The following KRT15 variants were observed in gnomAD, a reference collection of about 807,000 sequenced individuals.
KRT15 encodes keratin 15, also known as keratin, type I cytoskeletal 15.
In KRT15, 45 loss-of-function variants were observed where a neutral mutation model predicts 46.6. That is an observed-to-expected ratio of 0.97 (90% CI 0.76 to 1.24). KRT15 has a LOEUF of 1.24. Among genes scored for constraint, KRT15 ranks in the 50% most tolerant of loss-of-function variants. KRT15 has a pLI of 0.00. For synonymous variants in KRT15, 221 were observed against 233.8 expected, an observed-to-expected ratio of 0.95 and a Z score of 0.50; for missense variants, 592 against 588.9, an observed-to-expected ratio of 1.01 and a Z score of -0.05.
chr17:41,517,585 A>G, intron 1 of KRT15: 1 of 216,454 alleles, frequency 4.6e-6, no homozygotes, highest in Non-Finnish European at 9.4e-6. Context: ...CCATGGATCT[A>G]CAGAACATTC....
rs555353647 is a variant in KRT15, at chr17:41,513,942, T to A, written c.*81A>T. On this transcript the variant is annotated 3_prime_UTR_variant, in exon 8 of 8. Transcript: ENST00000254043. ...CTGAAGGCAGGGACTGGAGTTTGCA[T>A]GTGCAGGCCCTCTGGCCAGTCCTCC... 1.8e-5 allele frequency: 18 copies of A among 1,028,450 alleles called. No individual in the cohort carries two copies. In the South Asian group the frequency reaches 2.3e-4, roughly 13 times the overall value. 63.7% of individuals were successfully genotyped at this position (1,028,450 alleles called of 1,614,324 possible).
chr17:41,516,158 G>A lies in KRT15; in HGVS notation c.846C>T (p.Tyr282=), dbSNP rs201721465. The A allele has an allele frequency of 3.8e-5, 61 of 1,614,158 alleles. No individual in the cohort carries two copies. Among genetic ancestry groups the A allele is most frequent in the Admixed American group, 3.0e-4 (18 of 60,018 alleles). ...GGCGGTTCTTCTCCGCCATGGCCTC[G>A]TACTGCTCCCTCATCTCTGCCAGCA... The part of the protein sequence containing the change: ...TRVLAEMREQ[Y]EAMAEKNRRD... The change falls in exon 4 of 8, where the codon TAC becomes TAT. Residue 282 remains tyrosine, a synonymous_variant. Coordinates refer to ENST00000254043, the MANE Select transcript of KRT15 (RefSeq NM_002275.4).
At position 41,514,499 on chromosome 17, in the gene KRT15, T is replaced by G. The variant is rs1053023326; in HGVS notation, c.1273+150A>C. On this transcript the variant is annotated intron_variant, in intron 7 of 7. Coordinates refer to ENST00000254043, the MANE Select transcript of KRT15 (RefSeq NM_002275.4). ...CAATCTCACCTGGGGCTGACAGAAGTTCCCACTGGGGAAGAGGCATCTAAT... is the reference window on the plus strand; with the variant it reads ...CAATCTCACCTGGGGCTGACAGAAGGTCCCACTGGGGAAGAGGCATCTAAT... 4.3e-6 allele frequency: 3 copies of G among 699,270 alleles called. No individual in the cohort carries two copies. In the African/African-American group the frequency reaches 5.4e-5, roughly 13 times the overall value. 43.3% of individuals were successfully genotyped at this position (699,270 alleles called of 1,614,324 possible).
chr17:41,515,862 G>A (rs964083632), intron 5 of KRT15, 23 bp downstream of exon 5: 2 of 1,613,920 alleles, frequency 1.2e-6, no homozygotes, highest in Non-Finnish European at 8.5e-7. Flanking sequence ...CGAGAGGCTG[G>A]GATGGGGCGC....
chr17:41,516,381 A>C (rs563070757), intron 3 of KRT15, 116 bp from the exon 4 acceptor site: 2 of 1,117,060 alleles, frequency 1.8e-6, no homozygotes, highest in African/African-American at 1.6e-5. Flanking sequence ...GCTGTTCCCC[A>C]TTGCACATGA....
Position 41,514,486 on chromosome 17 carries a change from G to C in KRT15, c.1273+163C>G. The C allele has an allele frequency of 4.6e-6, 3 of 656,114 alleles. No individual in the cohort carries two copies. The South Asian group carries it at 5.7e-5, about 13-fold the overall frequency. The allele number at this position is 656,114 out of a possible 1,614,324, so 40.6% of individuals were successfully genotyped here. ...AAATCACCAGCTGCAATCTCACCTG[G>C]GGCTGACAGAAGTTCCCACTGGGGA... On this transcript the variant is annotated intron_variant, in intron 7 of 7. Coordinates refer to ENST00000254043, the MANE Select transcript of KRT15 (RefSeq NM_002275.4).
At position 41,517,278 on chromosome 17, in the gene KRT15, C is replaced by T. The variant is rs1567719196; in HGVS notation, c.499-113G>A. On this transcript the variant is annotated intron_variant, in intron 1 of 7. Transcript: ENST00000254043. The stretch of plus-strand genomic sequence containing the variant: ...AATCACCCCTCACTGACAATCACCC[C>T]TCTGACACCACCAACAAAAATCTGT... 3 of 867,960 alleles carry T rather than the reference C, an allele frequency of 3.5e-6. No homozygotes were observed. In the South Asian group the frequency reaches 4.7e-5, roughly 13 times the overall value. The allele number at this position is 867,960 out of a possible 1,614,324, so 53.8% of individuals were successfully genotyped here. A position where few individuals can be genotyped will look rare whatever the true frequency, so the allele number is the denominator to read the frequency against.
chr17:41,514,140 G>A lies in KRT15; in HGVS notation c.1274-20C>T. On this transcript the variant is annotated intron_variant, in intron 7 of 7. Coordinates refer to ENST00000254043, the MANE Select transcript of KRT15 (RefSeq NM_002275.4). ...AAGAGGCTAGAGAGAGAAGGAGTAGGCTTTAGAGTGGGGGAACCTCCCCGC... is the reference window on the plus strand; with the variant it reads ...AAGAGGCTAGAGAGAGAAGGAGTAGACTTTAGAGTGGGGGAACCTCCCCGC... 6.3e-7 allele frequency: 1 copy of A among 1,595,954 alleles called. No homozygotes were observed. Among genetic ancestry groups the A allele is most frequent in the Non-Finnish European group, 8.6e-7 (1 of 1,163,576 alleles).
chr17:41,514,294 C>G (rs1456460922), intron 7 of KRT15, 174 bp from the exon 8 acceptor site: 2 of 619,854 alleles, frequency 3.2e-6, no homozygotes, highest in East Asian at 5.5e-5. Flanking sequence ...CAGAGATGGG[C>G]AGTGGCAATG....
At position 41,515,870 on chromosome 17, in the gene KRT15, C is replaced by T. The variant is rs1339327180; in HGVS notation, c.1026+15G>A. On this transcript the variant is annotated intron_variant, in intron 5 of 7. Transcript: ENST00000254043. ...TACCACCCGAGAGGCTGGGATGGGG[C>T]GCGAGTGGCCGTACCATGCTGAGCT... is the stretch of plus-strand genomic sequence containing the variant. The T allele has an allele frequency of 9.3e-6, 15 of 1,613,748 alleles. No individual in the cohort carries two copies. Among genetic ancestry groups the T allele is most frequent in the East Asian group, 4.5e-5 (2 of 44,882 alleles).
At position 41,517,133 on chromosome 17, in the gene KRT15, G is replaced by A; in HGVS notation, c.531C>T (p.Val177=). Residue 177 remains valine, a synonymous_variant, in exon 2 of 8, where the codon GTC becomes GTT. Coordinates refer to ENST00000254043, the MANE Select transcript of KRT15 (RefSeq NM_002275.4). ...GCCTGGCATTGTCGATCTCCAGGAT[G>A]ACCCGGGAGTTGTCGATGGTGGTGG... The part of the protein sequence containing the change: ...IMATTIDNSR[V]ILEIDNARLA... The A allele has an allele frequency of 6.2e-7, 1 of 1,614,204 alleles. No individual in the cohort carries two copies. Among genetic ancestry groups the A allele is most frequent in the Non-Finnish European group, 8.5e-7 (1 of 1,180,032 alleles).
rs765224814 is a variant in KRT15, at chr17:41,514,149, T to C, written c.1274-29A>G. 9.7e-6 allele frequency: 15 copies of C among 1,550,138 alleles called. No homozygotes were observed. The Admixed American group carries it at 1.8e-4, about 19-fold the overall frequency. On this transcript the variant is annotated intron_variant, in intron 7 of 7. Transcript: ENST00000254043. ...GAGAGAGAAGGAGTAGGCTTTAGAG[T>C]GGGGGAACCTCCCCGCTCTGCCACG...
intron 1 of KRT15, 76 bp from the exon 2 acceptor site, chr17:41,517,241 C>A (rs1405337940): frequency 7.8e-7 from 1 of 1,283,814 alleles, no homozygotes; most frequent in Non-Finnish European, 1.1e-6. Flanking sequence ...CCAAGGCCAG[C>A]CCCTCATTGA....
rs776947737 is a variant in KRT15, at chr17:41,515,888, G to C, written c.1023C>G (p.Ser341Arg). ...GATGGGGCGCGAGTGGCCGTACCAT[G>C]CTGAGCTGGGACTGCAGCTCGATCT... ...ELEIELQSQLSMKAGLENSLA... is the reference protein window; with the variant it reads ...ELEIELQSQLRMKAGLENSLA... Residue 341 changes from serine (S) to arginine (R), a missense_variant, in exon 5 of 8, where the codon AGC becomes AGG. Transcript: ENST00000254043. 7.4e-6 allele frequency: 12 copies of C among 1,613,910 alleles called. No individual in the cohort carries two copies. In the South Asian group the frequency reaches 1.3e-4, roughly 18 times the overall value.
chr17:41,515,367 G>A (rs1364725480), intron 6 of KRT15, 105 bp downstream of exon 6: 1 of 933,030 alleles, frequency 1.1e-6, no homozygotes, highest in Non-Finnish European at 1.7e-6. Flanking sequence ...TCTTTTCACA[G>A]TCCCTCAAGG....
rs1905244100 is a variant in KRT15 at position 41,513,913 on chromosome 17, C to T, written c.*110G>A. The T allele has an allele frequency of 2.4e-6, 2 of 822,644 alleles. No homozygotes were observed. The highest frequency in any genetic ancestry group is 4.3e-6 in the Non-Finnish European group (2 of 467,692). 51.0% of individuals were successfully genotyped at this position (822,644 alleles called of 1,614,324 possible). Reference sequence around the variant, plus strand: ...TAAAAGACCGAGGGACCCTTTTCAGCTCTCTGAAGGCAGGGACTGGAGTTT... The same window carrying T: ...TAAAAGACCGAGGGACCCTTTTCAGTTCTCTGAAGGCAGGGACTGGAGTTT... On this transcript the variant is annotated 3_prime_UTR_variant, in exon 8 of 8. Coordinates refer to ENST00000254043, the MANE Select transcript of KRT15 (RefSeq NM_002275.4).
chr17:41,514,583 C>T (rs1597772165), intron 7 of KRT15, 66 bp downstream of exon 7: 9 of 1,483,718 alleles, frequency 6.1e-6, no homozygotes, highest in East Asian at 2.3e-5. Flanking sequence ...CTCCCTATTC[C>T]GAAGGGGGTG....
Position 41,517,216 on chromosome 17 carries a change from C to T in KRT15, c.499-51G>A, listed in dbSNP as rs775250981. On this transcript the variant is annotated intron_variant, in intron 1 of 7. Transcript: ENST00000254043. ...GAGGACTCCTCTCTCTCCCCTGCTG[C>T]TCTCTGCTCTGCACCCAAGGCCAGC... The T allele has an allele frequency of 1.1e-5, 16 of 1,491,328 alleles. No individual in the cohort carries two copies. The Admixed American group carries it at 1.9e-4, about 17-fold the overall frequency. The allele number at this position is 1,491,328 out of a possible 1,614,324, so 92.4% of individuals were successfully genotyped here. A position where few individuals can be genotyped will look rare whatever the true frequency, so the allele number is the denominator to read the frequency against.
In KRT15 at chr17:41,516,850, G is replaced by C; in HGVS notation, c.696C>G (p.Gly232=). The change falls in exon 3 of 8, where the codon GGC becomes GGG. Residue 232 remains glycine (G), a synonymous_variant. Transcript: ENST00000254043. The part of the protein sequence containing the change: ...ARTDLEMQIE[G]LNEELAYLKK... The stretch of plus-strand genomic sequence containing the variant: ...TCAGGTAGGCTAGCTCCTCATTCAG[G>C]CCCTCGATCTGCATCTCCAGGTCAG... The C allele has an allele frequency of 6.2e-7, 1 of 1,614,210 alleles. No individual in the cohort carries two copies. The highest frequency in any genetic ancestry group is 8.5e-7 in the Non-Finnish European group (1 of 1,180,040).
Sources: allele counts gnomAD v4.1 joint callset, GRCh38; gene constraint gnomAD v4.1.1; transcripts MANE v1.5; gene names NCBI Gene and HGNC (gene_info 2026-07-23, HGNC 2026-07-21).